Variants in GRID1 observed in about 807,000 individuals in gnomAD.
The protein encoded by GRID1 is glutamate receptor ionotropic, delta-1.
Under a neutral mutation model 98.0 loss-of-function variants are expected in GRID1, and 28 were observed. The observed-to-expected ratio is 0.29, with a 90% CI of 0.21 to 0.39. GRID1 has a LOEUF of 0.39. Ranked by LOEUF, GRID1 falls within the 10% of genes least tolerant of loss-of-function variation. GRID1 has a pLI of 1.00. For synonymous variants in GRID1, 553 were observed against 538.5 expected, an observed-to-expected ratio of 1.03 and a Z score of -0.37; for missense variants, 1,111 against 1,340.5, an observed-to-expected ratio of 0.83 and a Z score of 2.67.
At position 85,693,544 on chromosome 10, in the gene GRID1, C is replaced by T. The variant is rs188748277; in HGVS notation, c.1997+29459G>A. On this transcript the variant is annotated intron_variant, in intron 12 of 15. Transcript: ENST00000327946. ...AAGATGTTAATAATATACTACAAGG[C>T]TATAGTAAAAAAAAACAGCAGGGTA... is the stretch of plus-strand genomic sequence containing the variant. Among the ~76,000 whole-genome samples, 170 of 150,782 alleles carry T rather than the reference C, an allele frequency of 1.1e-3. 7 individuals are homozygous for T. The highest frequency in any genetic ancestry group is 0.011 in the Admixed American group (168 of 15,204).
At chr10:85,771,159 G>C (rs1266436027) in intron 8 of GRID1, among the ~76,000 whole-genome samples, 1 of 152,154 alleles carries the variant, frequency 6.6e-6, no homozygotes, top group African/African-American at 2.4e-5. Flanking sequence ...GAGAGTGGGG[G>C]CCAATATTCA....
At chr10:85,606,917 G>A (rs1382306730) in intron 15 of GRID1, 2 of 152,126 alleles carry the variant, frequency 1.3e-5, no homozygotes, top group Non-Finnish European at 2.9e-5. Context: ...TATTCGGCCA[G>A]GTAATGACAG....
chr10:85,703,590 A>G (rs1310246684), intron 12 of GRID1, among the ~76,000 whole-genome samples: 3 of 152,122 alleles, frequency 2.0e-5, no homozygotes, highest in Non-Finnish European at 4.4e-5. Flanking sequence ...ATGAATATAT[A>G]GTTTCACTGT....
At chr10:85,851,030 G>T (rs1427379990) in intron 8 of GRID1, among the ~76,000 whole-genome samples, 1 of 152,178 alleles carries the variant, frequency 6.6e-6, no homozygotes. Context: ...GGCCCTGACA[G>T]ATCTGTCAGA....
chr10:86,348,809 C>T (rs1422336584), intron 2 of GRID1, among the ~76,000 whole-genome samples: 4 of 152,258 alleles, frequency 2.6e-5, no homozygotes, highest in East Asian at 1.9e-4. Flanking sequence ...TCACAGACCT[C>T]GCTGTCCTGC....
intron 8 of GRID1, among the ~76,000 whole-genome samples, chr10:85,825,879 A>G (rs893833754): frequency 6.6e-6 from 1 of 152,186 alleles, no homozygotes; most frequent in Non-Finnish European, 1.5e-5. Flanking sequence ...ATATATATAA[A>G]TTTAAGTTAT....
chr10:85,653,944 A>G (rs1840862600), intron 12 of GRID1, among the ~76,000 whole-genome samples: 2 of 152,284 alleles, frequency 1.3e-5, no homozygotes, highest in African/African-American at 2.4e-5. Context: ...AGTTTAAGGT[A>G]TTCTGTTATA....
intron 8 of GRID1, among the ~76,000 whole-genome samples, chr10:85,752,154 A>T (rs1334824923): frequency 6.6e-6 from 1 of 152,206 alleles, no homozygotes; most frequent in African/African-American, 2.4e-5. Flanking sequence ...AGCACATACA[A>T]TCTCAGCTCT....
intron 4 of GRID1, among the ~76,000 whole-genome samples, chr10:85,964,429 G>GTAC (rs1468408621): frequency 6.6e-6 from 1 of 152,148 alleles, no homozygotes; most frequent in Non-Finnish European, 1.5e-5. Flanking sequence ...CATGGTACTG[G>GTAC]TACCAAAACA....
At chr10:85,982,400 C>A (rs1842556585) in intron 4 of GRID1, among the ~76,000 whole-genome samples, 1 of 150,536 alleles carries the variant, frequency 6.6e-6, no homozygotes, top group African/African-American at 2.4e-5. Flanking sequence ...AGTGATCTGA[C>A]TTATACTTAA....
At chr10:85,756,457 G>T (rs1392604484) in intron 8 of GRID1, among the ~76,000 whole-genome samples, 1 of 152,094 alleles carries the variant, frequency 6.6e-6, no homozygotes, top group Non-Finnish European at 1.5e-5. Context: ...TCAAATAAGG[G>T]TTACTTGAAC....
At chr10:85,915,563 CTG>C (rs1841605680) in intron 5 of GRID1, among the ~76,000 whole-genome samples, 1 of 151,662 alleles carries the variant, frequency 6.6e-6, no homozygotes, top group South Asian at 2.1e-4. Context: ...ATGCACATAC[CTG>C]TCACACACTC....
intron 12 of GRID1, among the ~76,000 whole-genome samples, chr10:85,717,921 A>T (rs1235746080): frequency 0.02 from 1 of 50 alleles, no homozygotes; most frequent in African/African-American, 0.05. Context: ...GTGGGCAGTC[A>T]GATTTTAAGC....
chr10:86,363,419 C>G (rs1408119633), intron 2 of GRID1, among the ~76,000 whole-genome samples: 2 of 152,242 alleles, frequency 1.3e-5, no homozygotes, highest in African/African-American at 2.4e-5. Flanking sequence ...AAGCGCCGGG[C>G]TGAGGCTCTG....
intron 14 of GRID1, among the ~76,000 whole-genome samples, chr10:85,619,121 C>T (rs1590162014): frequency 6.6e-6 from 1 of 152,222 alleles, no homozygotes; most frequent in East Asian, 1.9e-4. Flanking sequence ...ATGCCCTTCA[C>T]AGATATGTGC....
intron 4 of GRID1, among the ~76,000 whole-genome samples, chr10:86,033,966 C>T (rs1166831533): frequency 1.3e-5 from 2 of 152,206 alleles, no homozygotes; most frequent in African/African-American, 4.8e-5. Flanking sequence ...ACTGAGGATT[C>T]TGTGTCTACA....
intron 8 of GRID1, among the ~76,000 whole-genome samples, chr10:85,792,154 C>T (rs1842486469): frequency 6.6e-6 from 1 of 151,910 alleles, no homozygotes; most frequent in South Asian, 2.1e-4. Flanking sequence ...ACCTCAGCCT[C>T]CCTGAAACCA....
intron 12 of GRID1, among the ~76,000 whole-genome samples, chr10:85,695,770 CCAAA>C (rs1286396796): frequency 3.9e-5 from 6 of 152,084 alleles, no homozygotes; most frequent in Admixed American, 1.3e-4. Flanking sequence ...AACCAACCAA[CCAAA>C]CAAACAAAAA....
At position 85,641,284 on chromosome 10, in the gene GRID1, G is replaced by A. The variant is rs182998206; in HGVS notation, c.2193+5918C>T. Among the ~76,000 whole-genome samples the A allele has an allele frequency of 1.1e-4, 17 of 152,302 alleles. 1 individual carries two copies. Among genetic ancestry groups the A allele is most frequent in the Admixed American group, 9.8e-4 (15 of 15,300 alleles). On this transcript the variant is annotated intron_variant, in intron 13 of 15. Coordinates refer to ENST00000327946, the MANE Select transcript of GRID1 (RefSeq NM_017551.3). ...ATTATCATATAAATTTGAACCATTTGCCAGGCCAATTCTGCATCTCCAAGT... is the reference window on the plus strand; with the variant it reads ...ATTATCATATAAATTTGAACCATTTACCAGGCCAATTCTGCATCTCCAAGT...
Sources: allele counts gnomAD v4.1 joint callset (sites outside exome capture counted in the v4.1 genomes callset), GRCh38; gene constraint gnomAD v4.1.1; transcripts MANE v1.5; gene names NCBI Gene and HGNC (gene_info 2026-07-23, HGNC 2026-07-21).